Variants in SLC7A8 observed in about 807,000 individuals in gnomAD.
SLC7A8 encodes large neutral amino acids transporter small subunit 2.
A neutral mutation model predicts 51.2 loss-of-function variants in SLC7A8; 30 were observed. The ratio of observed to expected loss-of-function variants is 0.59; its 90% CI spans 0.44 to 0.80. The LOEUF is 0.80. Ranked by LOEUF, SLC7A8 falls within the 30% of genes least tolerant of loss-of-function variation. SLC7A8 has a pLI of 0.00. For synonymous variants in SLC7A8, 257 were observed against 275.8 expected (o/e 0.93, Z 0.67); for missense variants, 612 against 674.4 (o/e 0.91, Z 1.03).
intron 3 of SLC7A8, chr14:23,154,338 CA>C: frequency 1.0e-6 from 1 of 1,000,126 alleles, no homozygotes; most frequent in Non-Finnish European, 1.2e-6. Flanking sequence ...CCAGCTGGAG[CA>C]AAAGGGGTGA....
At chr14:23,173,105 G>A (rs1392339052) in intron 1 of SLC7A8, among the ~76,000 whole-genome samples, 1 of 152,124 alleles carries the variant, frequency 6.6e-6, no homozygotes, top group Admixed American at 6.5e-5. Flanking sequence ...ATTTGTTTTT[G>A]ACTGACTGCT....
intron 4 of SLC7A8, among the ~76,000 whole-genome samples, chr14:23,142,063 A>C (rs188566954): frequency 6.6e-6 from 1 of 152,270 alleles, no homozygotes; most frequent in Non-Finnish European, 1.5e-5. Flanking sequence ...GCCTGAAAGC[A>C]ATATATAACC....
At chr14:23,170,250 G>A (rs2048969196) in intron 1 of SLC7A8, among the ~76,000 whole-genome samples, 2 of 152,156 alleles carry the variant, frequency 1.3e-5, no homozygotes, top group African/African-American at 4.8e-5. Context: ...TGGACTCCTG[G>A]TCCAGACTTT....
In SLC7A8 at chr14:23,166,529, C is replaced by A; in HGVS notation, c.163G>T (p.Gly55Cys). The A allele has an allele frequency of 6.2e-7, 1 of 1,613,956 alleles. No individual in the cohort carries two copies. The stretch of plus-strand genomic sequence containing the variant: ...TTTGGCGAGACAAAGATTCCAGAGC[C>A]GATGATGTTCCCTGCATGAGGCACC... ...ACGIIVGNII[G>C]SGIFVSPKGV... The change falls in exon 2 of 11, where the codon GGC becomes TGC. Residue 55 changes from glycine to cysteine, a missense_variant. By Grantham distance (159) the Gly-to-Cys change is radical. Coordinates refer to ENST00000316902, the MANE Select transcript of SLC7A8 (RefSeq NM_012244.4).
intron 1 of SLC7A8, 50 bp from the exon 2 acceptor site, chr14:23,166,590 T>C (rs763913273): frequency 1.9e-6 from 3 of 1,588,790 alleles, no homozygotes; most frequent in South Asian, 1.1e-5. Flanking sequence ...GACAGGACGG[T>C]TGGCAGGATT....
intron 3 of SLC7A8, among the ~76,000 whole-genome samples, 157 bp from the exon 4 acceptor site, chr14:23,143,361 G>A (rs1179488073): frequency 6.6e-6 from 1 of 152,204 alleles, no homozygotes; most frequent in Non-Finnish European, 1.5e-5. Context: ...AGAGACTTTG[G>A]CTAGGTTAAT....
At chr14:23,143,337 C>A in intron 3 of SLC7A8, 133 bp from the exon 4 acceptor site, 1 of 1,264,700 alleles carries the variant, frequency 7.9e-7, no homozygotes, top group South Asian at 1.4e-5. Context: ...CCAGCAAGCT[C>A]AACCCCAGGG....
rs1382390631 is a variant in SLC7A8, at chr14:23,143,145, A to C, written c.568T>G (p.Phe190Val). 6.2e-7 allele frequency: 1 copy of C among 1,614,206 alleles called. No homozygotes were observed. The change falls in exon 4 of 11, where the codon TTC becomes GTC. Residue 190 changes from phenylalanine (F) to valine (V), a missense_variant. By Grantham distance (50) the Phe-to-Val change is conservative. Transcript: ENST00000316902. ...VRWATRVQDI[F>V]TAGKLLALAL... ...AAGGCCAGGAGCTTCCCAGCTGTGA[A>C]GATGTCTTGAACCCGGGTGGCCCAC...
intron 3 of SLC7A8, among the ~76,000 whole-genome samples, chr14:23,161,046 T>A (rs1291416560): frequency 2.0e-5 from 3 of 152,112 alleles, no homozygotes. Flanking sequence ...ACCTAAATAA[T>A]AGAATAACTC....
chr14:23,139,410 C>G lies in SLC7A8; in HGVS notation c.912+14G>C. On this transcript the variant is annotated intron_variant, in intron 6 of 10. Transcript: ENST00000316902. ...GCATTCCTGGTATGAGACTCTGGGACTTTCATTTCTTACCACAGCGACGGC... is the reference window on the plus strand; with the variant it reads ...GCATTCCTGGTATGAGACTCTGGGAGTTTCATTTCTTACCACAGCGACGGC... 6.2e-7 allele frequency: 1 copy of G among 1,613,784 alleles called. No individual in the cohort carries two copies. Among genetic ancestry groups the G allele is most frequent in the South Asian group, 1.1e-5 (1 of 91,072 alleles).
intron 5 of SLC7A8, 113 bp from the exon 6 acceptor site, chr14:23,139,660 T>C: frequency 1.5e-6 from 2 of 1,312,708 alleles, no homozygotes; most frequent in Non-Finnish European, 2.1e-6. Context: ...TACAGCCTTC[T>C]GTGAGGCTTC....
At chr14:23,137,784 A>T (rs1245445857) in intron 7 of SLC7A8, 137 bp downstream of exon 7, 1 of 1,058,970 alleles carries the variant, frequency 9.4e-7, no homozygotes. Context: ...CCCTCATGTG[A>T]GCAGTCACCC....
intron 4 of SLC7A8, among the ~76,000 whole-genome samples, chr14:23,141,209 C>T (rs1026671657): frequency 4.6e-5 from 7 of 152,090 alleles, no homozygotes; most frequent in Admixed American, 6.6e-5. Context: ...CACTTGAGCC[C>T]AGGAGTTTGA....
rs2048943119 is a variant in SLC7A8, at chr14:23,165,223, A to C, written c.508+62T>G. 3 of 1,417,862 alleles carry C rather than the reference A, an allele frequency of 2.1e-6. No individual in the cohort carries two copies. Among genetic ancestry groups the C allele is most frequent in the African/African-American group, 1.5e-5 (1 of 67,300 alleles). The allele number at this position is 1,417,862 out of a possible 1,614,324, so 87.8% of individuals were successfully genotyped here. A position where few individuals can be genotyped will look rare whatever the true frequency, so the allele number is the denominator to read the frequency against. ...ACAGAGTGAAGACTCTGTTTCTAAA[A>C]ATAATAATAATAAATATAATAAAAG... On this transcript the variant is annotated intron_variant, in intron 3 of 10. Transcript: ENST00000316902. This position sits in a 1 kb window ranked among gnomAD's most constrained non-coding sequence, Gnocchi z 4.2.
intron 3 of SLC7A8, among the ~76,000 whole-genome samples, chr14:23,159,875 T>C (rs751380447): frequency 2.0e-5 from 3 of 152,146 alleles, no homozygotes; most frequent in African/African-American, 7.2e-5. Flanking sequence ...AGTAGAAAGA[T>C]AGAAAACAAG....
intron 3 of SLC7A8, chr14:23,154,414 A>G (rs986077385): frequency 4.0e-6 from 4 of 993,914 alleles, no homozygotes; most frequent in African/African-American, 1.7e-5. Context: ...GCCGCTGGGC[A>G]GGGAAGCCGG....
At chr14:23,143,268 A>C in intron 3 of SLC7A8, 64 bp from the exon 4 acceptor site, 3 of 1,597,984 alleles carry the variant, frequency 1.9e-6, no homozygotes, top group Non-Finnish European at 2.6e-6. Flanking sequence ...TGCCCAAGGC[A>C]CACAAGCAGA....
chr14:23,141,766 A>G (rs1233588257), intron 4 of SLC7A8, among the ~76,000 whole-genome samples: 3 of 152,150 alleles, frequency 2.0e-5, no homozygotes, highest in Non-Finnish European at 4.4e-5. Flanking sequence ...CTCTCTTTTC[A>G]AGATTCCCCA....
chr14:23,132,798 G>A (rs1453013404), intron 7 of SLC7A8, among the ~76,000 whole-genome samples: 1 of 152,102 alleles, frequency 6.6e-6, no homozygotes, highest in Non-Finnish European at 1.5e-5. Flanking sequence ...ACCACACCCA[G>A]CTAATTTTTG....
Sources: allele counts gnomAD v4.1 joint callset (sites outside exome capture counted in the v4.1 genomes callset), GRCh38; gene constraint gnomAD v4.1.1; non-coding constraint Gnocchi (gnomAD v3.1); transcripts MANE v1.5; gene names NCBI Gene and HGNC (gene_info 2026-07-23, HGNC 2026-07-21).